NELL2: variants seen among roughly 807,000 people sequenced by gnomAD.
NELL2 encodes protein kinase C-binding protein NELL2.
Under a neutral mutation model 109.6 loss-of-function variants are expected in NELL2, and 41 were observed. That is an observed-to-expected ratio of 0.37 (90% CI 0.29 to 0.49). The LOEUF (loss-of-function observed/expected upper bound fraction) is 0.49, where lower values mean the gene tolerates loss of function less well. Ranked by LOEUF, NELL2 falls within the 20% of genes least tolerant of loss-of-function variation. The pLI is 0.98. For missense variants in NELL2, 900 were observed against 1,008.3 expected (o/e 0.89, Z 1.45); for synonymous variants, 355 against 344.7 (o/e 1.03, Z -0.33).
chr12:44,703,420 A>G (rs1486894265), intron 12 of NELL2, among the ~76,000 whole-genome samples: 4 of 152,200 alleles, frequency 2.6e-5, no homozygotes, highest in Non-Finnish European at 5.9e-5. Flanking sequence ...TGCAAGCCAC[A>G]GTAATCATGT....
At chr12:44,526,088 A>T (rs1338048187) in intron 16 of NELL2, among the ~76,000 whole-genome samples, 2 of 152,202 alleles carry the variant, frequency 1.3e-5, no homozygotes, top group Non-Finnish European at 2.9e-5. Context: ...GGTAAAGGTC[A>T]TGTTAAGAAA....
intron 2 of NELL2, among the ~76,000 whole-genome samples, chr12:44,861,880 C>A (rs1308504525): frequency 3.3e-5 from 5 of 152,200 alleles, no homozygotes; most frequent in Non-Finnish European, 7.3e-5. Flanking sequence ...AGAGCTTTCC[C>A]AGACAAAGCC....
In NELL2 at chr12:44,523,439, G is replaced by C; in HGVS notation, c.1850C>G (p.Thr617Ser). The C allele has an allele frequency of 6.2e-7, 1 of 1,613,914 alleles. No individual in the cohort carries two copies. The highest frequency in any genetic ancestry group is 8.5e-7 in the Non-Finnish European group (1 of 1,179,974). ...GTGRHSCAND[T>S]ICFNLDGGYD... ...TCCGCCATCCAAATTGAAGCAAATG[G>C]TATCATTGGCACAGCTGTGCCTCCC... The change falls in exon 17 of 20, where the codon ACC becomes AGC. Residue 617 changes from threonine (T) to serine (S), a missense_variant. Thr to Ser is a moderately conservative substitution (Grantham distance 58). Transcript: ENST00000429094.
intron 13 of NELL2, among the ~76,000 whole-genome samples, chr12:44,612,605 T>C (rs1945662273): frequency 6.6e-6 from 1 of 151,866 alleles, no homozygotes; most frequent in Admixed American, 6.6e-5. Context: ...ACCATAAAAT[T>C]TCAGAAGGGC....
chr12:44,806,021 AATT>A (rs1942986765), intron 3 of NELL2, among the ~76,000 whole-genome samples: 1 of 151,832 alleles, frequency 6.6e-6, no homozygotes, highest in Non-Finnish European at 1.5e-5. Context: ...ATAGGAAAAA[AATT>A]ATTTCTTCAC....
intron 12 of NELL2, among the ~76,000 whole-genome samples, chr12:44,686,376 C>G (rs981599498): frequency 6.6e-6 from 1 of 152,244 alleles, no homozygotes; most frequent in African/African-American, 2.4e-5. Context: ...TCCCGTAGCT[C>G]GGAGTAATTT....
rs539729690 is a variant in NELL2, at chr12:44,524,098, A to G, written c.1805-614T>C. On this transcript the variant is annotated intron_variant, in intron 16 of 19. Coordinates refer to ENST00000429094, the MANE Select transcript of NELL2 (RefSeq NM_001145108.2). ...CACAGAAGGGCAAATAATAATCAGC[A>G]ATTACCATCTCTCTTACAAAGAAAC... Among the ~76,000 whole-genome samples the G allele has an allele frequency of 3.3e-5, 5 of 152,320 alleles. No homozygotes were observed. The South Asian group carries it at 8.3e-4, about 25-fold the overall frequency.
chr12:44,644,590 ATATATATATATATGTATG>A (rs1163806242), intron 13 of NELL2, among the ~76,000 whole-genome samples: 1 of 96,146 alleles, frequency 1.0e-5, no homozygotes, highest in Admixed American at 1.1e-4. Flanking sequence ...GTATATATAT[ATATATATATATATGTATG>A]TATATATATA....
chr12:44,681,656 G>A (rs993495285), intron 12 of NELL2, among the ~76,000 whole-genome samples: 4 of 152,014 alleles, frequency 2.6e-5, no homozygotes, highest in Non-Finnish European at 4.4e-5. Flanking sequence ...CTATGGGTGA[G>A]AATATGCGGT....
intron 19 of NELL2, among the ~76,000 whole-genome samples, chr12:44,510,176 G>A (rs1940932855): frequency 1.3e-5 from 2 of 152,084 alleles, no homozygotes; most frequent in South Asian, 4.1e-4. Context: ...TTTTAAAACC[G>A]TGATGATGAT....
At chr12:44,697,861 T>C (rs1181620158) in intron 12 of NELL2, among the ~76,000 whole-genome samples, 2 of 152,202 alleles carry the variant, frequency 1.3e-5, no homozygotes, top group Admixed American at 1.3e-4. Flanking sequence ...CAGAAACTTA[T>C]TGTCTCACAG....
chr12:44,524,165 C>T (rs1941666493), intron 16 of NELL2, among the ~76,000 whole-genome samples: 1 of 152,102 alleles, frequency 6.6e-6, no homozygotes, highest in Admixed American at 6.6e-5. Context: ...TCATTTTGTC[C>T]CCTGTCTAAC....
chr12:44,549,929 T>A (rs1160094361), intron 15 of NELL2, among the ~76,000 whole-genome samples: 2 of 151,610 alleles, frequency 1.3e-5, no homozygotes, highest in East Asian at 2.0e-4. Flanking sequence ...AGACCCGGGA[T>A]AGCCAAAGAA....
At chr12:44,765,187 T>G (rs1042098061) in intron 9 of NELL2, among the ~76,000 whole-genome samples, 4 of 152,236 alleles carry the variant, frequency 2.6e-5, no homozygotes, top group African/African-American at 9.6e-5. Context: ...CATCTTCCAA[T>G]GGTTAAAATC....
At chr12:44,558,219 G>A (rs7958418) in intron 15 of NELL2, among the ~76,000 whole-genome samples, 17,124 of 152,222 alleles carry the variant, frequency 0.11, 3,211 homozygotes, top group African/African-American at 0.39. Context: ...ATGGTACAAA[G>A]TACAAAATGG....
At chr12:44,677,094 A>C (rs1410220008) in intron 12 of NELL2, among the ~76,000 whole-genome samples, 1 of 152,042 alleles carries the variant, frequency 6.6e-6, no homozygotes, top group African/African-American at 2.4e-5. Flanking sequence ...CATAGGACTA[A>C]AGGAAAAGTA....
At chr12:44,586,214 A>T (rs1944492828) in intron 15 of NELL2, among the ~76,000 whole-genome samples, 1 of 148,420 alleles carries the variant, frequency 6.7e-6, no homozygotes, top group Non-Finnish European at 1.5e-5. Flanking sequence ...TATATATATA[A>T]TCATATATAT....
chr12:44,646,351 G>C (rs917365555), intron 13 of NELL2, among the ~76,000 whole-genome samples: 4 of 152,144 alleles, frequency 2.6e-5, no homozygotes, highest in Non-Finnish European at 5.9e-5. Context: ...TGATCTTGTA[G>C]ACAGTACAAT....
intron 2 of NELL2, among the ~76,000 whole-genome samples, chr12:44,838,959 A>G (rs1331951386): frequency 3.9e-5 from 6 of 152,204 alleles, no homozygotes; most frequent in Admixed American, 1.3e-4. Context: ...GCTGGTCTAG[A>G]AGCCTAGCTT....
Sources: allele counts gnomAD v4.1 joint callset (sites outside exome capture counted in the v4.1 genomes callset), GRCh38; gene constraint gnomAD v4.1.1; transcripts MANE v1.5; gene names NCBI Gene and HGNC (gene_info 2026-07-23, HGNC 2026-07-21).